Variants in SLC9D1 observed in about 807,000 individuals in gnomAD.
SLC9D1 encodes the protein putative LAG1-interacting protein.
At chr13:113,538,242 G>GCGTGTGGTGTATA in the SLC9D1 span, among the ~76,000 whole-genome samples, 1 of 151,982 alleles carries the variant, frequency 6.6e-6, no homozygotes, top group African/African-American at 2.4e-5. Flanking sequence ...TGTGTGGTGT[G>GCGTGTGGTGTATA]TGTGTGGTAT....
the SLC9D1 span, chr13:113,546,015 C>A: frequency 6.6e-6 from 1 of 152,318 alleles, no homozygotes; most frequent in Non-Finnish European, 1.5e-5. The surrounding 1 kb of genome is among the most constrained non-coding windows in gnomAD (Gnocchi z 7.1). Flanking sequence ...GGGGAGAAAA[C>A]GCAGCCCGGA....
chr13:113,522,502 G>A, the SLC9D1 span, among the ~76,000 whole-genome samples: 69 of 152,162 alleles, frequency 4.5e-4, no homozygotes, highest in Admixed American at 1.1e-3. Flanking sequence ...CACCAAGCCC[G>A]GCCAATTTTT....
the SLC9D1 span, among the ~76,000 whole-genome samples, chr13:113,515,478 G>C: frequency 6.6e-6 from 1 of 152,210 alleles, no homozygotes; most frequent in African/African-American, 2.4e-5. Context: ...AGAGAGAGAC[G>C]CAGGGCAGTC....
chr13:113,544,441 A>G, the SLC9D1 span, among the ~76,000 whole-genome samples: 1 of 152,198 alleles, frequency 6.6e-6, no homozygotes. Flanking sequence ...TGGTCTTCCC[A>G]CTAGATGAGG....
At chr13:113,539,983 T>G in the SLC9D1 span, among the ~76,000 whole-genome samples, 2 of 152,206 alleles carry the variant, frequency 1.3e-5, no homozygotes, top group Non-Finnish European at 2.9e-5. The surrounding 1 kb of genome is among the most constrained non-coding windows in gnomAD (Gnocchi z 4.8). Flanking sequence ...TGGTGCTCTG[T>G]TCTGGTGTTA....
chr13:113,520,626 C>G, the SLC9D1 span: 1 of 1,613,380 alleles, frequency 6.2e-7, no homozygotes, highest in Non-Finnish European at 8.5e-7. Context: ...GCGACATTGA[C>G]TACAGCACCG....
the SLC9D1 span, among the ~76,000 whole-genome samples, chr13:113,548,614 C>G: frequency 2.0e-5 from 3 of 152,276 alleles, no homozygotes; most frequent in African/African-American, 7.2e-5. Flanking sequence ...GCTCATCCAG[C>G]ATGTGGCGTT....
the SLC9D1 span, among the ~76,000 whole-genome samples, chr13:113,530,934 C>T: frequency 6.6e-6 from 1 of 152,230 alleles, no homozygotes; most frequent in African/African-American, 2.4e-5. Flanking sequence ...TGGCACCACC[C>T]GCCCATCAGA....
At chr13:113,494,147 G>C in the SLC9D1 span, among the ~76,000 whole-genome samples, 2 of 152,238 alleles carry the variant, frequency 1.3e-5, no homozygotes, top group African/African-American at 4.8e-5. Context: ...GAATTCCTGA[G>C]TAACAGTCCA....
At chr13:113,516,755 A>G in the SLC9D1 span, among the ~76,000 whole-genome samples, 44 of 152,144 alleles carry the variant, frequency 2.9e-4, no homozygotes, top group East Asian at 7.9e-3. Context: ...GAGGGGCCCA[A>G]CCCTCGAAGG....
At chr13:113,530,125 T>C in the SLC9D1 span, 1 of 152,220 alleles carries the variant, frequency 6.6e-6, no homozygotes, top group South Asian at 2.1e-4. Context: ...GTCCACACGC[T>C]GTGTGATTCC....
the SLC9D1 span, chr13:113,514,232 ATTTT>A: frequency 1.4e-5 from 2 of 143,594 alleles, no homozygotes; most frequent in African/African-American, 5.6e-5. Flanking sequence ...ATTGAAAGGC[ATTTT>A]TTTTTAATAA....
chr13:113,547,459 G>A, the SLC9D1 span: 2 of 1,187,464 alleles, frequency 1.7e-6, no homozygotes, highest in African/African-American at 1.5e-5. Flanking sequence ...TTCCAGTGGG[G>A]CCCACATCGG....
At chr13:113,522,396 A>G in the SLC9D1 span, among the ~76,000 whole-genome samples, 1 of 152,298 alleles carries the variant, frequency 6.6e-6, no homozygotes, top group Non-Finnish European at 1.5e-5. Flanking sequence ...CCTGGAGTGC[A>G]GTGGCACGAT....
At chr13:113,534,412 A>G in the SLC9D1 span, 2 of 630,952 alleles carry the variant, frequency 3.2e-6, no homozygotes, top group Non-Finnish European at 5.4e-6. Context: ...AAAATATAAT[A>G]CAGGGAGCTA....
the SLC9D1 span, among the ~76,000 whole-genome samples, chr13:113,506,220 A>G: frequency 0.057 from 2,782 of 49,104 alleles, 18 homozygotes; most frequent in Middle Eastern, 0.1. Flanking sequence ...GGCGTGGGCC[A>G]CGTGGCTGCC....
chr13:113,537,704 T>C, the SLC9D1 span, among the ~76,000 whole-genome samples: 1 of 152,212 alleles, frequency 6.6e-6, no homozygotes, highest in Non-Finnish European at 1.5e-5. Context: ...TTTACTGTTG[T>C]CAGTGAGCGT....
chr13:113,513,152 T>C, the SLC9D1 span, among the ~76,000 whole-genome samples: 1 of 152,138 alleles, frequency 6.6e-6, no homozygotes, highest in Non-Finnish European at 1.5e-5. Context: ...CAGCAAATAA[T>C]TGGGCTGATA....
the SLC9D1 span, among the ~76,000 whole-genome samples, chr13:113,537,193 T>C: frequency 1.3e-5 from 2 of 152,362 alleles, no homozygotes; most frequent in South Asian, 2.1e-4. Flanking sequence ...CTTAAAAATT[T>C]ATTTACTGAG....
Sources: gnomAD v4.1 joint callset for allele counts (sites outside exome capture counted in the v4.1 genomes callset) on GRCh38, gnomAD v4.1.1 for gene constraint, Gnocchi (gnomAD v3.1) non-coding constraint, MANE v1.5 for transcripts, NCBI Gene and HGNC (gene_info 2026-07-23, HGNC 2026-07-21) for gene names.